PYGB: variants seen among roughly 807,000 people sequenced by gnomAD.
The protein encoded by PYGB is glycogen phosphorylase, brain form.
In PYGB, 82 loss-of-function variants were observed where a neutral mutation model predicts 94.3. The observed-to-expected ratio is 0.87, with a 90% CI of 0.73 to 1.04. The LOEUF is 1.04. Among genes scored for constraint, PYGB ranks in the 50% least tolerant of loss-of-function variants. PYGB has a pLI of 0.00. For synonymous variants in PYGB, 488 were observed against 479.1 expected (o/e 1.02, Z -0.24); for missense variants, 1,132 against 1,158.2 (o/e 0.98, Z 0.33).
intron 6 of PYGB, 110 bp downstream of exon 6, chr20:25,276,867 CGGCCCTCCTCT>C: frequency 1.0e-6 from 1 of 979,388 alleles, no homozygotes; most frequent in Non-Finnish European, 1.5e-6. Flanking sequence ...GGAGGCCGCG[CGGCCCTCCTCT>C]AGGGTGTCCC....
At chr20:25,255,634 G>A (rs2092900704) in intron 1 of PYGB, among the ~76,000 whole-genome samples, 1 of 151,862 alleles carries the variant, frequency 6.6e-6, no homozygotes, top group Admixed American at 6.5e-5. Context: ...ATACACAAAA[G>A]GAGAGTTGCT....
At chr20:25,263,963 G>T (rs960398225) in intron 2 of PYGB, among the ~76,000 whole-genome samples, 2 of 152,114 alleles carry the variant, frequency 1.3e-5, no homozygotes, top group African/African-American at 4.8e-5. Context: ...CCAAAGCCTG[G>T]CAGAGACAAC....
Position 25,278,337 on chromosome 20 carries a change from C to A in PYGB, c.874C>A (p.Leu292Met), listed in dbSNP as rs1263532972. Residue 292 changes from leucine to methionine, a missense_variant, in exon 8 of 20, where the codon CTG (leucine) becomes ATG (methionine). By Grantham distance (15) the Leu-to-Met change is conservative. Coordinates refer to ENST00000216962, the MANE Select transcript of PYGB (RefSeq NM_002862.4). ...TGTGCAGTTCTTTGAGGGGAAGGAG[C>A]TGCGGCTGAAGCAGGAGTACTTCGT... ...PNDNFFEGKE[L>M]RLKQEYFVVA... is the part of the protein sequence containing the mutation. 6.3e-7 allele frequency: 1 copy of A among 1,592,542 alleles called. No individual in the cohort carries two copies.
At chr20:25,276,272 A>C (rs1041905467) in intron 5 of PYGB, among the ~76,000 whole-genome samples, 3 of 151,700 alleles carry the variant, frequency 2.0e-5, no homozygotes, top group African/African-American at 4.8e-5. Flanking sequence ...TTGACTGAGG[A>C]GGGGAGGCGC....
In PYGB at chr20:25,292,550, G is replaced by A. The variant is rs1349734885; in HGVS notation, c.2114G>A (p.Gly705Glu). 6.2e-7 allele frequency: 1 copy of A among 1,613,358 alleles called. No individual in the cohort carries two copies. The highest frequency in any genetic ancestry group is 1.1e-5 in the South Asian group (1 of 91,084). Reference protein sequence around the residue: ...GANVEMAEEAGAENLFIFGLR... With the variant: ...GANVEMAEEAEAENLFIFGLR... ...AACGTGGAGATGGCCGAGGAGGCCG[G>A]GGCCGAGAACCTCTTCATCTTCGGC... Residue 705 changes from glycine to glutamate, a missense_variant, in exon 17 of 20, where the codon GGG becomes GAG. Physicochemically the swap from Gly to Glu is moderately conservative, Grantham distance 98 (BLOSUM62 -2). Coordinates refer to ENST00000216962, the MANE Select transcript of PYGB (RefSeq NM_002862.4).
chr20:25,257,146 C>G (rs1010805716), intron 1 of PYGB, among the ~76,000 whole-genome samples: 1 of 152,256 alleles, frequency 6.6e-6, no homozygotes, highest in African/African-American at 2.4e-5. Context: ...GGTTTTCACT[C>G]TGAACCATAT....
In PYGB at chr20:25,278,432, G is replaced by A. The variant is rs201505156; in HGVS notation, c.969G>A (p.Val323=). ...KSSKFGCRDP[V]RTCFETFPDK... is the part of the protein sequence containing the mutation. ...CCAAGTTCGGCTGCCGGGACCCTGT[G>A]AGAACCTGTTTCGAGACGTTCCCAG... The change falls in exon 8 of 20, where the codon GTG becomes GTA. Residue 323 remains valine (V), a synonymous_variant. Coordinates refer to ENST00000216962, the MANE Select transcript of PYGB (RefSeq NM_002862.4). 23 of 1,614,124 alleles carry A rather than the reference G, an allele frequency of 1.4e-5. No individual in the cohort carries two copies. In the South Asian group the frequency reaches 2.3e-4, roughly 16 times the overall value.
chr20:25,295,535 C>T (rs1230076299), intron 18 of PYGB, 69 bp from the exon 19 acceptor site: 1 of 1,526,030 alleles, frequency 6.6e-7, no homozygotes, highest in African/African-American at 1.4e-5. Context: ...TGCCCTGGGA[C>T]TCTCCCCTCG....
At chr20:25,288,387 G>A (rs200829633) in intron 14 of PYGB, 38 bp from the exon 15 acceptor site, 24 of 1,613,162 alleles carry the variant, frequency 1.5e-5, no homozygotes, top group Admixed American at 3.3e-5. Context: ...CGTCCGGCTC[G>A]CGGTGCCTTG....
chr20:25,268,154 A>AGCCCCC (rs1329882200), intron 2 of PYGB, among the ~76,000 whole-genome samples: 14 of 7,376 alleles, frequency 1.9e-3, no homozygotes, highest in East Asian at 0.01. Flanking sequence ...AGTAAATCCT[A>AGCCCCC]GCACCCGCCC....
Position 25,248,406 on chromosome 20 carries a change from C to G in PYGB, c.228C>G (p.Tyr76Ter). Residue 76 changes from tyrosine to a stop codon, truncating the protein, a stop_gained, in exon 1 of 20, where the codon TAC becomes TAG. Transcript: ENST00000216962. LOFTEE classifies it high-confidence loss of function. ...GRWIRTQQHY[Y>*]ERDPKRIYYL... is the part of the protein sequence containing the mutation. ...GGATCCGCACGCAGCAGCACTACTA[C>G]GAGCGCGACCCCAAGGTGAGGCGCT... 1 of 1,547,876 alleles carries G rather than the reference C, an allele frequency of 6.5e-7. No homozygotes were observed. The highest frequency in any genetic ancestry group is 8.7e-7 in the Non-Finnish European group (1 of 1,146,474).
intron 18 of PYGB, chr20:25,294,911 C>T: frequency 3.9e-6 from 6 of 1,550,290 alleles, no homozygotes; most frequent in South Asian, 1.1e-5. Context: ...TTTCAGCTGC[C>T]TTTGGGTTAG....
chr20:25,280,535 T>G, intron 10 of PYGB, 123 bp downstream of exon 10: 1 of 1,341,396 alleles, frequency 7.5e-7, no homozygotes, highest in Non-Finnish European at 1.0e-6. Flanking sequence ...CAGCAGAGGA[T>G]GCTTGGGGCT....
chr20:25,282,215 C>T lies in PYGB; in HGVS notation c.1518+68C>T, dbSNP rs1474837505. Reference sequence around the variant, plus strand: ...TGAGAACCGCGGGCCATGTCATCAGCCCCTGCTGAGCGGTTGCTGAGTAGG... The same window carrying T: ...TGAGAACCGCGGGCCATGTCATCAGTCCCTGCTGAGCGGTTGCTGAGTAGG... On this transcript the variant is annotated intron_variant, in intron 12 of 19. Transcript: ENST00000216962. The T allele has an allele frequency of 2.2e-6, 3 of 1,335,844 alleles. No homozygotes were observed. The African/African-American group carries it at 4.3e-5, about 19-fold the overall frequency. The allele number at this position is 1,335,844 out of a possible 1,614,324, so 82.7% of individuals were successfully genotyped here. A position where few individuals can be genotyped will look rare whatever the true frequency, so the allele number is the denominator to read the frequency against.
At chr20:25,280,813 G>T (rs1044593632) in intron 10 of PYGB, 136 bp from the exon 11 acceptor site, 2 of 1,188,050 alleles carry the variant, frequency 1.7e-6, no homozygotes, top group Admixed American at 4.7e-5. Flanking sequence ...AGGTCTGGCT[G>T]TCACAGCCCC....
chr20:25,260,646 C>G (rs912299796), intron 2 of PYGB, among the ~76,000 whole-genome samples: 1 of 152,096 alleles, frequency 6.6e-6, no homozygotes, highest in Non-Finnish European at 1.5e-5. Context: ...TGTAGCCCAC[C>G]GAGCGTGAGA....
intron 1 of PYGB, among the ~76,000 whole-genome samples, chr20:25,258,764 A>G (rs1477717586): frequency 6.6e-6 from 1 of 152,384 alleles, no homozygotes; most frequent in East Asian, 1.9e-4. Context: ...TGCTGCGTTC[A>G]TTGGTGCTTC....
Position 25,259,346 on chromosome 20 carries a change from G to T in PYGB, c.345+8G>T. 1 of 1,588,736 alleles carries T rather than the reference G, an allele frequency of 6.3e-7. No individual in the cohort carries two copies. The highest frequency in any genetic ancestry group is 8.6e-7 in the Non-Finnish European group (1 of 1,157,380). On this transcript the variant is annotated splice_region_variant and intron_variant, in intron 2 of 19. Transcript: ENST00000216962. ...GATGAAGCCATCTATCAGGTACAGA[G>T]CCTCATGGCCGGGCTTCTGGGTGGC... is the stretch of plus-strand genomic sequence containing the variant.
intron 2 of PYGB, among the ~76,000 whole-genome samples, chr20:25,266,276 G>C (rs1236115175): frequency 6.6e-6 from 1 of 151,756 alleles, no homozygotes; most frequent in Non-Finnish European, 1.5e-5. Flanking sequence ...AAAGGAAATA[G>C]GTACCAAAAC....
Sources: allele counts gnomAD v4.1 joint callset (sites outside exome capture counted in the v4.1 genomes callset), GRCh38; gene constraint gnomAD v4.1.1; transcripts MANE v1.5; gene names NCBI Gene and HGNC (gene_info 2026-07-23, HGNC 2026-07-21).